AFF3: variants seen among roughly 807,000 people sequenced by gnomAD.
The protein encoded by AFF3 is AF4/FMR2 family member 3.
In AFF3, 32 loss-of-function variants were observed where a neutral mutation model predicts 129.7. That is an observed-to-expected ratio of 0.25 (90% CI 0.19 to 0.33). The LOEUF is 0.33. Among genes scored for constraint, AFF3 ranks in the 10% least tolerant of loss-of-function variants. The pLI, the probability that AFF3 is intolerant of heterozygous loss-of-function variation, is 1.00. For missense variants in AFF3, 1,373 were observed against 1,592.0 expected (o/e 0.86, Z 2.34); for synonymous variants, 644 against 635.4 (o/e 1.01, Z -0.20).
intron 8 of AFF3, among the ~76,000 whole-genome samples, chr2:99,754,761 T>C (rs1681949488): frequency 6.6e-6 from 1 of 152,170 alleles, no homozygotes; most frequent in Admixed American, 6.5e-5. Flanking sequence ...TTCTTAAGGG[T>C]GGAAACTGTC....
chr2:100,113,574 G>C (rs1057015940), intron 2 of AFF3, among the ~76,000 whole-genome samples: 1 of 152,172 alleles, frequency 6.6e-6, no homozygotes, highest in Non-Finnish European at 1.5e-5. Flanking sequence ...AAGTGAATAG[G>C]GGGGAATGGA....
intron 4 of AFF3, among the ~76,000 whole-genome samples, chr2:100,031,667 T>C (rs929628244): frequency 2.0e-5 from 3 of 152,106 alleles, no homozygotes; most frequent in Non-Finnish European, 4.4e-5. Flanking sequence ...ACAACAACAA[T>C]AACACAATAA....
At chr2:100,104,813 C>T in intron 3 of AFF3, 1 of 534,652 alleles carries the variant, frequency 1.9e-6, no homozygotes, top group Non-Finnish European at 2.4e-6. Context: ...CCGCCGCCGC[C>T]GCCGCCGCCG....
Position 99,875,815 on chromosome 2 carries a change from C to G in AFF3, c.874-38291G>C, listed in dbSNP as rs940915135. Among the ~76,000 whole-genome samples, 3 of 152,294 alleles carry G rather than the reference C, an allele frequency of 2.0e-5. No homozygotes were observed. The South Asian group carries it at 6.2e-4, about 32-fold the overall frequency. The stretch of plus-strand genomic sequence containing the variant: ...GGCTCAATATGGTCTCCCAGGCATG[C>G]ACTTTGACATTTACCCTCCAAACAG... On this transcript the variant is annotated intron_variant, in intron 7 of 24. Coordinates refer to ENST00000672756, the MANE Select transcript of AFF3 (RefSeq NM_001386135.1).
At chr2:99,697,943 C>A (rs567938445) in intron 11 of AFF3, among the ~76,000 whole-genome samples, 1 of 152,206 alleles carries the variant, frequency 6.6e-6, no homozygotes, top group South Asian at 2.1e-4. Flanking sequence ...TATATGCACA[C>A]CTGCATCATA....
chr2:99,845,944 T>G (rs567550763), intron 7 of AFF3, among the ~76,000 whole-genome samples: 244 of 152,268 alleles, frequency 1.6e-3, no homozygotes, highest in Non-Finnish European at 2.7e-3. Flanking sequence ...ACCATTCTCC[T>G]GCCTCAGCCT....
intron 4 of AFF3, among the ~76,000 whole-genome samples, chr2:100,036,133 C>T (rs78117545): frequency 0.26 from 17,920 of 68,814 alleles, 1,590 homozygotes; most frequent in South Asian, 0.36. Flanking sequence ...AAATACAGTG[C>T]TAAAAAAAAA....
chr2:99,694,669 CAACAAA>C (rs755977813), intron 11 of AFF3, among the ~76,000 whole-genome samples: 105 of 152,144 alleles, frequency 6.9e-4, no homozygotes, highest in African/African-American at 1.8e-3. Context: ...TTAAAAAAGC[CAACAAA>C]AACAAAAACA....
intron 7 of AFF3, among the ~76,000 whole-genome samples, chr2:99,854,997 C>T (rs1475536741): frequency 1.3e-5 from 2 of 152,036 alleles, no homozygotes; most frequent in African/African-American, 4.8e-5. Context: ...TAAATCGTCC[C>T]AAACTGGATC....
Position 99,755,719 on chromosome 2 carries a change from C to T in AFF3, c.922-3418G>A, listed in dbSNP as rs144628329. ...GACTTTAACTCTGATCTTTGGACTT[C>T]GTCTTGAAGATTCGGAATCTTGGCT... On this transcript the variant is annotated intron_variant, in intron 8 of 24. Coordinates refer to ENST00000672756, the MANE Select transcript of AFF3 (RefSeq NM_001386135.1). 4.1e-3 allele frequency among the ~76,000 whole-genome samples: 623 copies of T among 152,294 alleles called. 3 individuals carry two copies. The highest frequency in any genetic ancestry group is 0.014 in the African/African-American group (586 of 41,550).
chr2:99,549,902 G>A lies in AFF3; in HGVS notation c.*1572C>T, dbSNP rs536884482. On this transcript the variant is annotated 3_prime_UTR_variant, in exon 25 of 25. Transcript: ENST00000672756. ...GCATCTAGTCTAAGTATTTTGTGCC[G>A]TCATCACCTTGAAAAAATGGATTGC... 4.0e-4 allele frequency: 88 copies of A among 222,210 alleles called. 1 individual carries two copies. In the South Asian group the frequency reaches 0.012, roughly 31 times the overall value. The allele number at this position is 222,210 out of a possible 1,614,324, so 13.8% of individuals were successfully genotyped here. A position where few individuals can be genotyped will look rare whatever the true frequency, so the allele number is the denominator to read the frequency against.
chr2:99,863,485 A>G (rs984742782), intron 7 of AFF3, among the ~76,000 whole-genome samples: 1 of 152,196 alleles, frequency 6.6e-6, no homozygotes, highest in Non-Finnish European at 1.5e-5. Context: ...GCCACTATAT[A>G]AAGTATCTTA....
Position 99,751,283 on chromosome 2 carries a change from G to A in AFF3, c.1002+938C>T, listed in dbSNP as rs552228573. On this transcript the variant is annotated intron_variant, in intron 9 of 24. Transcript: ENST00000672756. ...TAATTTTGTATTTTTAGTAGAGATT[G>A]GGTTTCAGCATGTTGGCCAGGCTGG... Among the ~76,000 whole-genome samples the A allele has an allele frequency of 9.7e-4, 147 of 152,224 alleles. 1 individual carries two copies. Among genetic ancestry groups the A allele is most frequent in the Admixed American group, 1.3e-3 (20 of 15,290 alleles).
chr2:99,702,489 G>A (rs757580260), intron 11 of AFF3, among the ~76,000 whole-genome samples: 2 of 152,100 alleles, frequency 1.3e-5, no homozygotes, highest in African/African-American at 2.4e-5. Flanking sequence ...ACAGGTGTGG[G>A]CCACCACACT....
intron 4 of AFF3, among the ~76,000 whole-genome samples, chr2:100,062,411 T>TG (rs1475462641): frequency 6.6e-6 from 1 of 150,826 alleles, no homozygotes; most frequent in Non-Finnish European, 1.5e-5. Flanking sequence ...TCAGAGGAAA[T>TG]GAAAAAAAAA....
intron 8 of AFF3, among the ~76,000 whole-genome samples, chr2:99,828,757 C>A (rs6751605): frequency 0.16 from 24,975 of 152,106 alleles, 2,198 homozygotes; most frequent in Admixed American, 0.24. Context: ...ATTCCTAGGT[C>A]AGAGTGAAAA....
chr2:100,122,671 A>C (rs1692026751), intron 2 of AFF3, among the ~76,000 whole-genome samples: 1 of 152,220 alleles, frequency 6.6e-6, no homozygotes, highest in Non-Finnish European at 1.5e-5. Flanking sequence ...TCTAGAGAAG[A>C]GAGGAAAGCA....
chr2:100,077,956 G>A (rs1688717238), intron 4 of AFF3, among the ~76,000 whole-genome samples: 1 of 152,188 alleles, frequency 6.6e-6, no homozygotes, highest in African/African-American at 2.4e-5. Flanking sequence ...TTCTAATCCA[G>A]TTCTCTAAAT....
At chr2:99,694,465 G>A (rs561520566) in intron 11 of AFF3, among the ~76,000 whole-genome samples, 216 of 152,116 alleles carry the variant, frequency 1.4e-3, no homozygotes, top group African/African-American at 5.0e-3. Flanking sequence ...GGTCACCCAG[G>A]CGCCAGGGAG....
Sources: allele counts gnomAD v4.1 joint callset (sites outside exome capture counted in the v4.1 genomes callset), GRCh38; gene constraint gnomAD v4.1.1; transcripts MANE v1.5; gene names NCBI Gene and HGNC (gene_info 2026-07-23, HGNC 2026-07-21).